The following UNC5D variants were observed in gnomAD, a reference collection of about 807,000 sequenced individuals.
UNC5D encodes netrin receptor UNC5D.
Under a neutral mutation model 105.4 loss-of-function variants are expected in UNC5D, and 39 were observed. The ratio of observed to expected loss-of-function variants is 0.37; its 90% CI spans 0.29 to 0.48. UNC5D has a LOEUF of 0.48. UNC5D is among the 20% of genes least tolerant of loss of function. UNC5D has a pLI of 0.98. For missense variants in UNC5D, 991 were observed against 1,202.4 expected (o/e 0.82, Z 2.60); for synonymous variants, 452 against 450.4 (o/e 1.00, Z -0.04).
intron 1 of UNC5D, among the ~76,000 whole-genome samples, chr8:35,425,696 A>G (rs2128970148): frequency 6.6e-6 from 1 of 152,146 alleles, no homozygotes; most frequent in East Asian, 1.9e-4. Flanking sequence ...ATCCTCTGGC[A>G]CCTTTTCTGC....
At chr8:35,586,096 A>G (rs949178562) in intron 3 of UNC5D, among the ~76,000 whole-genome samples, 2 of 151,946 alleles carry the variant, frequency 1.3e-5, no homozygotes, top group African/African-American at 4.8e-5. Context: ...AACATGGAGA[A>G]ACCCCCGTTT....
At chr8:35,307,958 G>A (rs1334591236) in intron 1 of UNC5D, among the ~76,000 whole-genome samples, 1 of 152,148 alleles carries the variant, frequency 6.6e-6, no homozygotes, top group Non-Finnish European at 1.5e-5. Flanking sequence ...TTGAGGGTAT[G>A]CACTCAGGCC....
At chr8:35,299,533 T>C (rs1017755740) in intron 1 of UNC5D, among the ~76,000 whole-genome samples, 1 of 152,124 alleles carries the variant, frequency 6.6e-6, no homozygotes, top group Non-Finnish European at 1.5e-5. Context: ...AGAGTAAAAA[T>C]AAAAAATACA....
intron 1 of UNC5D, among the ~76,000 whole-genome samples, chr8:35,390,902 A>T (rs1233206176): frequency 6.6e-6 from 1 of 152,242 alleles, no homozygotes; most frequent in Non-Finnish European, 1.5e-5. Flanking sequence ...AAATAGGAAC[A>T]AAATCTAAAT....
chr8:35,280,557 C>T (rs374062279), intron 1 of UNC5D, among the ~76,000 whole-genome samples: 1 of 152,058 alleles, frequency 6.6e-6, no homozygotes, highest in Non-Finnish European at 1.5e-5. Flanking sequence ...TTGGTGGGGT[C>T]GTTAATAATG....
intron 4 of UNC5D, among the ~76,000 whole-genome samples, chr8:35,616,231 A>G (rs187073942): frequency 4.6e-5 from 7 of 152,346 alleles, no homozygotes; most frequent in African/African-American, 1.4e-4. Context: ...TGTATCAGAC[A>G]GCCTGACTTC....
chr8:35,241,501 G>A (rs1237109273), intron 1 of UNC5D, among the ~76,000 whole-genome samples: 1 of 152,136 alleles, frequency 6.6e-6, no homozygotes, highest in Non-Finnish European at 1.5e-5. Flanking sequence ...TGGGGCTAAA[G>A]TAGAAACAAT....
chr8:35,391,559 G>C (rs1157296878), intron 1 of UNC5D, among the ~76,000 whole-genome samples: 1 of 152,174 alleles, frequency 6.6e-6, no homozygotes, highest in Non-Finnish European at 1.5e-5. Flanking sequence ...AGTTATACCA[G>C]TGGAAGAAAT....
chr8:35,248,702 T>G (rs1803395647), intron 1 of UNC5D, among the ~76,000 whole-genome samples: 1 of 97,266 alleles, frequency 1.0e-5, no homozygotes, highest in Non-Finnish European at 1.8e-5. Context: ...TATATAAAAA[T>G]ATATAATATA....
chr8:35,267,182 T>C (rs1804939675), intron 1 of UNC5D, among the ~76,000 whole-genome samples: 1 of 151,762 alleles, frequency 6.6e-6, no homozygotes, highest in Admixed American at 6.6e-5. Context: ...TAATCACTGA[T>C]TGAGTAGTCA....
At chr8:35,572,664 C>T (rs1169110540) in intron 3 of UNC5D, among the ~76,000 whole-genome samples, 1 of 152,172 alleles carries the variant, frequency 6.6e-6, no homozygotes, top group African/African-American at 2.4e-5. Flanking sequence ...ATTCTATGAT[C>T]ACCTTTGAGC....
intron 1 of UNC5D, among the ~76,000 whole-genome samples, chr8:35,298,178 T>G (rs1269366146): frequency 1.3e-5 from 2 of 152,182 alleles, no homozygotes; most frequent in African/African-American, 4.8e-5. Context: ...TGCACACCAG[T>G]AGGATCCAGG....
intron 2 of UNC5D, among the ~76,000 whole-genome samples, chr8:35,561,940 AG>A (rs1252851558): frequency 1.3e-5 from 2 of 152,172 alleles, no homozygotes; most frequent in African/African-American, 4.8e-5. Context: ...ATCGTTAACT[AG>A]TCACTGTACT....
chr8:35,445,290 AG>A (rs1443981284), intron 1 of UNC5D, among the ~76,000 whole-genome samples: 36 of 152,184 alleles, frequency 2.4e-4, no homozygotes, highest in African/African-American at 6.7e-4. Context: ...GCAACTACAA[AG>A]GAATTGAAAA....
chr8:35,365,346 A>C (rs540452170), intron 1 of UNC5D, among the ~76,000 whole-genome samples: 151 of 152,056 alleles, frequency 9.9e-4, no homozygotes, highest in Non-Finnish European at 1.8e-3. Context: ...ACTTTTGTAC[A>C]TTCTCACAAT....
chr8:35,766,934 C>G lies in UNC5D; in HGVS notation c.2346C>G (p.Asn782Lys), dbSNP rs775556503. ...CGTTCTCCCGCGTGTGGTGCAGTAA[C>G]CGGCAGCCCCTGCACTGTGCCTTCT... is the stretch of plus-strand genomic sequence containing the variant. ...EVPFSRVWCS[N>K]RQPLHCAFSL... is the part of the protein sequence containing the mutation. The change falls in exon 15 of 17, where the codon AAC becomes AAG. Residue 782 changes from asparagine to lysine, a missense_variant. Physicochemically the swap from Asn to Lys is moderately conservative, Grantham distance 94 (BLOSUM62 0). Transcript: ENST00000404895. The G allele has an allele frequency of 3.1e-6, 5 of 1,613,836 alleles. No individual in the cohort carries two copies. The highest frequency in any genetic ancestry group is 4.2e-6 in the Non-Finnish European group (5 of 1,179,848).
rs959221358 is a variant in UNC5D at position 35,682,411 on chromosome 8, G to A, written c.571-1136G>A. 2.6e-5 allele frequency among the ~76,000 whole-genome samples: 4 copies of A among 152,212 alleles called. No individual in the cohort carries two copies. The East Asian group carries it at 7.7e-4, about 29-fold the overall frequency. On this transcript the variant is annotated intron_variant, in intron 4 of 16. Transcript: ENST00000404895. The stretch of plus-strand genomic sequence containing the variant: ...GCCCCTGATGTGTATGCTCCTGTGT[G>A]ACTTCTCTTTGATGTCATCACGGCC...
chr8:35,291,346 A>G (rs542884202), intron 1 of UNC5D, among the ~76,000 whole-genome samples: 12 of 152,318 alleles, frequency 7.9e-5, no homozygotes, highest in African/African-American at 2.6e-4. Flanking sequence ...ATAAAAAGAG[A>G]CAAGGAATTT....
intron 3 of UNC5D, among the ~76,000 whole-genome samples, chr8:35,592,226 C>T (rs1819218792): frequency 6.6e-6 from 1 of 152,140 alleles, no homozygotes; most frequent in Admixed American, 6.5e-5. Context: ...TTATAACTCT[C>T]TACTCTAGAT....
Sources: allele counts gnomAD v4.1 joint callset (sites outside exome capture counted in the v4.1 genomes callset), GRCh38; gene constraint gnomAD v4.1.1; transcripts MANE v1.5; gene names NCBI Gene and HGNC (gene_info 2026-07-23, HGNC 2026-07-21).